PIGH: variants seen among roughly 807,000 people sequenced by gnomAD.
The protein encoded by PIGH is phosphatidylinositol glycan anchor biosynthesis class H.
A neutral mutation model predicts 20.1 loss-of-function variants in PIGH; 11 were observed. The ratio of observed to expected loss-of-function variants is 0.55; its 90% CI spans 0.34 to 0.91. The LOEUF is 0.91. Among genes scored for constraint, PIGH ranks in the 40% least tolerant of loss-of-function variants. The pLI, the probability that PIGH is intolerant of heterozygous loss-of-function variation, is 0.02. For missense variants in PIGH, 189 were observed against 233.6 expected (o/e 0.81, Z 1.24); for synonymous variants, 72 against 93.1 (o/e 0.77, Z 1.31).
chr14:67,589,486 AAT>A lies in PIGH; in HGVS notation c.*592_*593del. On this transcript the variant is annotated 3_prime_UTR_variant, in exon 4 of 4. Transcript: ENST00000216452. ...TTAATGTGCTTGACACCATGACTGA[AAT>A]ACTATGATCTTGTTTGTCAATAAAA... 1 of 985,114 alleles carries A rather than the reference AAT, an allele frequency of 1.0e-6. No individual in the cohort carries two copies. The highest frequency in any genetic ancestry group is 1.2e-6 in the Non-Finnish European group (1 of 829,618). The allele number at this position is 985,114 out of a possible 1,614,324, so 61.0% of individuals were successfully genotyped here. A position where few individuals can be genotyped will look rare whatever the true frequency, so the allele number is the denominator to read the frequency against.
Position 67,589,456 on chromosome 14 carries a change from A to T in PIGH, c.*624T>A, listed in dbSNP as rs1394908116. The T allele has an allele frequency of 1.0e-6, 1 of 985,418 alleles. No homozygotes were observed. 61.0% of individuals were successfully genotyped at this position (985,418 alleles called of 1,614,324 possible). The stretch of plus-strand genomic sequence containing the variant: ...TAAAAAAAAATGCTGAGTAACAGAA[A>T]AGTATTAATGTGCTTGACACCATGA... On this transcript the variant is annotated 3_prime_UTR_variant, in exon 4 of 4. Coordinates refer to ENST00000216452, the MANE Select transcript of PIGH (RefSeq NM_004569.5).
rs1229788206 is a variant in PIGH, at chr14:67,600,163, C to A, written c.41G>T (p.Arg14Leu). The A allele has an allele frequency of 2.5e-6, 4 of 1,588,832 alleles. No homozygotes were observed. The highest frequency in any genetic ancestry group is 2.3e-5 in the East Asian group (1 of 43,302). Residue 14 changes from arginine (R) to leucine (L), a missense_variant, in exon 1 of 4, where the codon CGC becomes CTC. Transcript: ENST00000216452. ...ERSFSDICGG[R>L]LALQRRYYSP... is the part of the protein sequence containing the mutation. The stretch of plus-strand genomic sequence containing the variant: ...GTAGTAGCGGCGCTGCAGCGCCAGG[C>A]GGCCGCCGCAGATATCCGAAAAGCT...
At chr14:67,590,909 G>A (rs2036351087) in intron 3 of PIGH, among the ~76,000 whole-genome samples, 1 of 152,104 alleles carries the variant, frequency 6.6e-6, no homozygotes, top group African/African-American at 2.4e-5. Flanking sequence ...AATGTCACAA[G>A]TTGTAAAACA....
At chr14:67,591,104 CAAAT>C (rs1396773029) in intron 3 of PIGH, among the ~76,000 whole-genome samples, 2 of 151,840 alleles carry the variant, frequency 1.3e-5, no homozygotes, top group African/African-American at 4.8e-5. Context: ...AAAATAGATA[CAAAT>C]ACATAATATT....
intron 1 of PIGH, among the ~76,000 whole-genome samples, chr14:67,596,699 C>T (rs892064440): frequency 3.9e-5 from 6 of 152,134 alleles, no homozygotes; most frequent in African/African-American, 1.4e-4. Context: ...AAAGAACTCC[C>T]ACCCTTGGTA....
intron 1 of PIGH, among the ~76,000 whole-genome samples, chr14:67,597,631 G>A (rs898625850): frequency 2.0e-5 from 3 of 152,054 alleles, no homozygotes; most frequent in African/African-American, 7.2e-5. Flanking sequence ...CATTGAATAA[G>A]CATTAAGAAG....
intron 1 of PIGH, among the ~76,000 whole-genome samples, chr14:67,594,978 A>C (rs1266754777): frequency 6.6e-6 from 1 of 151,924 alleles, no homozygotes; most frequent in Non-Finnish European, 1.5e-5. Context: ...TCTACTAAAA[A>C]TACTAAAAGT....
At chr14:67,596,295 A>ATTTTTTTTTTT (rs772451900) in intron 1 of PIGH, among the ~76,000 whole-genome samples, 4 of 60,222 alleles carry the variant, frequency 6.6e-5, no homozygotes, top group Non-Finnish European at 8.3e-5. Context: ...CGCCCAGCTA[A>ATTTTTTTTTTT]TTTTTTTTTT....
At position 67,592,682 on chromosome 14, in the gene PIGH, C is replaced by A; in HGVS notation, c.427G>T (p.Asp143Tyr). 1 of 1,608,730 alleles carries A rather than the reference C, an allele frequency of 6.2e-7. No homozygotes were observed. Among genetic ancestry groups the A allele is most frequent in the Admixed American group, 1.7e-5 (1 of 59,972 alleles). Reference protein sequence around the residue: ...VIYYLCILLKDPVEPHGISQV... With the variant: ...VIYYLCILLKYPVEPHGISQV... ...GATATCCCATGTGGTTCCACTGGAT[C>A]TTTCAATAAGATGCAGAGGTAGTAA... The change falls in exon 3 of 4, where the codon GAT becomes TAT. Residue 143 changes from aspartate (D) to tyrosine (Y), a missense_variant. Asp to Tyr is a radical substitution (Grantham distance 160, BLOSUM62 -3). Coordinates refer to ENST00000216452, the MANE Select transcript of PIGH (RefSeq NM_004569.5).
At chr14:67,594,054 T>C (rs1475091524) in intron 1 of PIGH, 102 bp from the exon 2 acceptor site, 1 of 749,184 alleles carries the variant, frequency 1.3e-6, no homozygotes, top group Non-Finnish European at 2.3e-6. Flanking sequence ...ATTGCTTTTA[T>C]TTGGGTTCTA....
chr14:67,599,494 G>C (rs2036533767), intron 1 of PIGH, among the ~76,000 whole-genome samples: 2 of 151,996 alleles, frequency 1.3e-5, no homozygotes, highest in African/African-American at 4.8e-5. Context: ...GAGGAGGGAG[G>C]GTTAAAAAAC....
chr14:67,594,108 T>C (rs550432068), intron 1 of PIGH, among the ~76,000 whole-genome samples, 156 bp from the exon 2 acceptor site: 5 of 152,318 alleles, frequency 3.3e-5, no homozygotes, highest in African/African-American at 9.6e-5. Flanking sequence ...AGACAACAAA[T>C]GGATAGGTCT....
intron 1 of PIGH, among the ~76,000 whole-genome samples, chr14:67,597,258 G>A (rs113547829): frequency 3.3e-5 from 5 of 152,178 alleles, no homozygotes; most frequent in Non-Finnish European, 5.9e-5. Flanking sequence ...TGGGGGGATC[G>A]CTTGAGGCCA....
intron 3 of PIGH, among the ~76,000 whole-genome samples, chr14:67,591,504 C>T (rs1333709164): frequency 1.3e-5 from 2 of 152,182 alleles, no homozygotes; most frequent in African/African-American, 4.8e-5. Flanking sequence ...ATACCTACCT[C>T]TAAATTTATT....
At chr14:67,592,342 A>C in intron 3 of PIGH, 1 of 438,400 alleles carries the variant, frequency 2.3e-6, no homozygotes, top group South Asian at 2.2e-5. Context: ...CAGGAGGCTG[A>C]GGCAGGAGGA....
intron 1 of PIGH, among the ~76,000 whole-genome samples, chr14:67,597,853 C>G (rs957423798): frequency 6.6e-6 from 1 of 151,390 alleles, no homozygotes; most frequent in East Asian, 1.9e-4. Flanking sequence ...TGGTTAGTGA[C>G]CAATATAATT....
intron 1 of PIGH, among the ~76,000 whole-genome samples, chr14:67,596,707 G>T (rs2036481936): frequency 6.6e-6 from 1 of 152,076 alleles, no homozygotes; most frequent in Non-Finnish European, 1.5e-5. Context: ...CCCACCCTTG[G>T]TATTTGATCA....
At chr14:67,591,938 C>T (rs1255406320) in intron 3 of PIGH, 1 of 150,476 alleles carries the variant, frequency 6.6e-6, no homozygotes, top group Admixed American at 6.6e-5. Flanking sequence ...ATATATTATA[C>T]AATTATTTAA....
chr14:67,595,581 A>G (rs1462860548), intron 1 of PIGH, among the ~76,000 whole-genome samples: 1 of 152,226 alleles, frequency 6.6e-6, no homozygotes, highest in Non-Finnish European at 1.5e-5. Context: ...GGCATGTGAC[A>G]CAACTCTGGC....
Sources: allele counts gnomAD v4.1 joint callset (sites outside exome capture counted in the v4.1 genomes callset), GRCh38; gene constraint gnomAD v4.1.1; transcripts MANE v1.5; gene names NCBI Gene and HGNC (gene_info 2026-07-23, HGNC 2026-07-21).